The following KIAA1217 variants were observed in gnomAD, a reference collection of about 807,000 sequenced individuals.
KIAA1217 encodes the protein sickle tail protein homolog.
A neutral mutation model predicts 163.9 loss-of-function variants in KIAA1217; 88 were observed. The ratio of observed to expected loss-of-function variants is 0.54; its 90% CI spans 0.45 to 0.64. The LOEUF (loss-of-function observed/expected upper bound fraction) is 0.64, where lower values mean the gene tolerates loss of function less well. KIAA1217 is among the 30% of genes least tolerant of loss of function. The pLI, the probability that KIAA1217 is intolerant of heterozygous loss-of-function variation, is 0.00. For synonymous variants in KIAA1217, 903 were observed against 923.1 expected, an observed-to-expected ratio of 0.98 and a Z score of 0.39; for missense variants, 2,372 against 2,475.0, an observed-to-expected ratio of 0.96 and a Z score of 0.88.
chr10:24,234,526 T>C (rs574964741), intron 2 of KIAA1217, among the ~76,000 whole-genome samples: 30 of 151,752 alleles, frequency 2.0e-4, no homozygotes, highest in African/African-American at 6.8e-4. Flanking sequence ...TAGCTGGGTG[T>C]GGTGACGCAT....
chr10:24,256,380 G>T (rs1419010006), intron 2 of KIAA1217, among the ~76,000 whole-genome samples: 1 of 152,196 alleles, frequency 6.6e-6, no homozygotes, highest in Non-Finnish European at 1.5e-5. Flanking sequence ...AAGCAGAGAA[G>T]AGACTTCGCC....
intron 17 of KIAA1217, among the ~76,000 whole-genome samples, chr10:24,538,235 A>C (rs1157283736): frequency 6.6e-6 from 1 of 152,180 alleles, no homozygotes; most frequent in Non-Finnish European, 1.5e-5. Context: ...AGGCCTTGCC[A>C]AGGAGGCCAG....
intron 2 of KIAA1217, among the ~76,000 whole-genome samples, chr10:24,057,721 A>T (rs1290334726): frequency 4.6e-5 from 7 of 152,120 alleles, no homozygotes; most frequent in African/African-American, 1.7e-4. Context: ...TGTCTATTCA[A>T]ATTCTTAGCC....
At position 24,228,564 on chromosome 10, in the gene KIAA1217, A is replaced by G. The variant is rs372574342; in HGVS notation, c.354+8655A>G. 1.4e-4 allele frequency among the ~76,000 whole-genome samples: 21 copies of G among 152,284 alleles called. 3 individuals are homozygous for G. The highest frequency in any genetic ancestry group is 1.2e-3 in the Admixed American group (18 of 15,298). ...GCTACTTCCCTCTTGCGATCATGCC[A>G]TCTCAACACATGGATTCCAGGTCAC... On this transcript the variant is annotated intron_variant, in intron 2 of 20. Coordinates refer to ENST00000376454, the MANE Select transcript of KIAA1217 (RefSeq NM_019590.5).
chr10:24,365,645 G>A (rs1318450986), intron 2 of KIAA1217, among the ~76,000 whole-genome samples: 1 of 152,080 alleles, frequency 6.6e-6, no homozygotes, highest in South Asian at 2.1e-4. Context: ...TTAGCTAATT[G>A]TTTTTCTAAT....
At chr10:24,232,648 G>T (rs2071579231) in intron 2 of KIAA1217, among the ~76,000 whole-genome samples, 1 of 152,134 alleles carries the variant, frequency 6.6e-6, no homozygotes, top group African/African-American at 2.4e-5. Context: ...ATTCAGTCCA[G>T]TGCATAGATG....
rs182451070 is a variant in KIAA1217 at position 23,975,112 on chromosome 10, T to C, written c.-320-32113T>C. Among the ~76,000 whole-genome samples the C allele has an allele frequency of 1.2e-4, 18 of 152,334 alleles. No homozygotes were observed. The East Asian group carries it at 3.5e-3, about 29-fold the overall frequency. ...AAGGAAAAGAGCTAAGGAGATGGCA[T>C]GCCAATGTCCCTACTTTTTACATGG... On this transcript the variant is annotated intron_variant, in intron 1 of 18. Coordinates refer to the KIAA1217 transcript ENST00000376462.
chr10:23,856,168 G>T lies in KIAA1217; in HGVS notation c.-320-151057G>T, dbSNP rs527568244. On this transcript the variant is annotated intron_variant, in intron 1 of 18. Transcript: ENST00000376462. Reference sequence around the variant, plus strand: ...TATCTGCTTTTGGTCTTTGATGATGGTGATGTACAGATGGGTTTTTGGTGC... The same window carrying T: ...TATCTGCTTTTGGTCTTTGATGATGTTGATGTACAGATGGGTTTTTGGTGC... 1.9e-3 allele frequency among the ~76,000 whole-genome samples: 295 copies of T among 152,234 alleles called. 1 individual carries two copies. The highest frequency in any genetic ancestry group is 6.7e-3 in the African/African-American group (277 of 41,520).
chr10:24,209,392 G>C lies in KIAA1217; in HGVS notation c.70+129G>C, dbSNP rs1589918601. 5 of 685,694 alleles carry C rather than the reference G, an allele frequency of 7.3e-6. No homozygotes were observed. In the East Asian group the frequency reaches 1.4e-4, roughly 19 times the overall value. 42.5% of individuals were successfully genotyped at this position (685,694 alleles called of 1,614,324 possible). A position where few individuals can be genotyped will look rare whatever the true frequency, so the allele number is the denominator to read the frequency against. ...AAAAAAAAGGCAATTTCTTGGGATGGTACATTTTCCAAACTGAGTAGAGCA... is the reference window on the plus strand; with the variant it reads ...AAAAAAAAGGCAATTTCTTGGGATGCTACATTTTCCAAACTGAGTAGAGCA... On this transcript the variant is annotated intron_variant, in intron 1 of 20. Coordinates refer to ENST00000376454, the MANE Select transcript of KIAA1217 (RefSeq NM_019590.5).
intron 2 of KIAA1217, among the ~76,000 whole-genome samples, chr10:24,369,541 TA>T (rs1355569106): frequency 6.6e-6 from 1 of 152,142 alleles, no homozygotes; most frequent in Non-Finnish European, 1.5e-5. Context: ...AATTAAGTTT[TA>T]GGGGTACGAT....
intron 2 of KIAA1217, among the ~76,000 whole-genome samples, chr10:24,062,269 C>T (rs1032186902): frequency 2.8e-5 from 4 of 143,076 alleles, no homozygotes; most frequent in Admixed American, 2.8e-4. Context: ...GGTATATCTC[C>T]TAATGCTATC....
intron 3 of KIAA1217, among the ~76,000 whole-genome samples, chr10:24,415,703 G>A (rs1016709343): frequency 1.3e-4 from 20 of 152,208 alleles, no homozygotes; most frequent in African/African-American, 4.8e-4. Context: ...TGTGATCTGA[G>A]CACTCATCCC....
chr10:23,837,663 A>G (rs1313026076), intron 1 of KIAA1217, among the ~76,000 whole-genome samples: 2 of 152,032 alleles, frequency 1.3e-5, no homozygotes, highest in Non-Finnish European at 2.9e-5. Context: ...CCTCTCCAGT[A>G]GCTAGAACTA....
intron 1 of KIAA1217, among the ~76,000 whole-genome samples, chr10:23,838,475 T>C (rs888493075): frequency 6.6e-6 from 1 of 151,982 alleles, no homozygotes; most frequent in Non-Finnish European, 1.5e-5. Flanking sequence ...TTTTTTTTTC[T>C]TTTTTTGTGG....
chr10:23,972,750 A>G (rs1030585497), intron 1 of KIAA1217, among the ~76,000 whole-genome samples: 1 of 152,140 alleles, frequency 6.6e-6, no homozygotes, highest in African/African-American at 2.4e-5. Flanking sequence ...AATGTGGCAC[A>G]TACATACCAT....
At chr10:24,380,518 T>A (rs559256305) in intron 2 of KIAA1217, among the ~76,000 whole-genome samples, 33 of 152,042 alleles carry the variant, frequency 2.2e-4, no homozygotes, top group Non-Finnish European at 4.1e-4. Flanking sequence ...GGGGCACACC[T>A]GTAGTCCCAG....
intron 2 of KIAA1217, among the ~76,000 whole-genome samples, chr10:24,078,201 A>G (rs1357809388): frequency 6.6e-6 from 1 of 152,188 alleles, no homozygotes; most frequent in East Asian, 1.9e-4. Context: ...TTCAGGTGTA[A>G]AGTACCATAG....
intron 1 of KIAA1217, among the ~76,000 whole-genome samples, chr10:23,926,113 C>T (rs1341167801): frequency 1.3e-5 from 2 of 150,862 alleles, no homozygotes; most frequent in Non-Finnish European, 3.0e-5. Context: ...TGCATTGGTC[C>T]TCAGGAAAAA....
intron 1 of KIAA1217, among the ~76,000 whole-genome samples, chr10:23,938,535 T>C (rs1843627037): frequency 2.0e-5 from 3 of 152,196 alleles, no homozygotes; most frequent in Admixed American, 2.0e-4. Context: ...AATAAAAAGA[T>C]ACAAATTTTA....
Sources: allele counts gnomAD v4.1 joint callset (sites outside exome capture counted in the v4.1 genomes callset), GRCh38; gene constraint gnomAD v4.1.1; transcripts MANE v1.5; gene names NCBI Gene and HGNC (gene_info 2026-07-23, HGNC 2026-07-21).